Variants in RYR2 observed in about 807,000 individuals in gnomAD.
RYR2 encodes ryanodine receptor 2.
RYR2 carries 227 observed loss-of-function variants against 601.1 expected under a neutral mutation model. The ratio of observed to expected loss-of-function variants is 0.38; its 90% CI spans 0.34 to 0.42. The LOEUF is 0.42. Among genes scored for constraint, RYR2 ranks in the 10% least tolerant of loss-of-function variants. RYR2 has a pLI of 1.00. For synonymous variants in RYR2, 2,223 were observed against 2,175.1 expected, an observed-to-expected ratio of 1.02 and a Z score of -0.61; for missense variants, 4,646 against 6,156.5, an observed-to-expected ratio of 0.75 and a Z score of 8.21.
chr1:237,537,471 G>A (rs1668768489), intron 25 of RYR2, among the ~76,000 whole-genome samples: 2 of 152,004 alleles, frequency 1.3e-5, no homozygotes, highest in Admixed American at 1.3e-4. Flanking sequence ...CCGCCACCAC[G>A]CCCAGCTAAT....
chr1:237,786,101 CTCTG>C lies in RYR2; in HGVS notation c.13328+69_13328+72del. The C allele has an allele frequency of 6.8e-6, 7 of 1,028,990 alleles. No individual in the cohort carries two copies. The South Asian group carries it at 1.0e-4, about 15-fold the overall frequency. 63.7% of individuals were successfully genotyped at this position (1,028,990 alleles called of 1,614,324 possible). ...TGTCATTACATCTCTTTTTCTTGTACTCTGTCTTTGGGAGCTGCAAGGGAGAATC... is the reference window on the plus strand; with the variant it reads ...TGTCATTACATCTCTTTTTCTTGTACTCTTTGGGAGCTGCAAGGGAGAATC... On this transcript the variant is annotated intron_variant, in intron 91 of 104. Coordinates refer to ENST00000366574, the MANE Select transcript of RYR2 (RefSeq NM_001035.3).
At chr1:237,248,563 A>G (rs1028459623) in intron 1 of RYR2, among the ~76,000 whole-genome samples, 14 of 151,982 alleles carry the variant, frequency 9.2e-5, no homozygotes, top group African/African-American at 3.4e-4. Context: ...TTTCCTTCTT[A>G]GAAGAGGATG....
chr1:237,332,367 A>G (rs1696832556), intron 3 of RYR2, among the ~76,000 whole-genome samples: 1 of 152,186 alleles, frequency 6.6e-6, no homozygotes, highest in Non-Finnish European at 1.5e-5. Context: ...CTTATTTTAC[A>G]AAAGCTTAGT....
At chr1:237,573,580 T>G (rs943141997) in intron 29 of RYR2, among the ~76,000 whole-genome samples, 4 of 149,178 alleles carry the variant, frequency 2.7e-5, no homozygotes, top group Non-Finnish European at 6.0e-5. Context: ...CTTCCAGAAC[T>G]AGATGGCGGA....
chr1:237,108,681 G>A (rs1669054506), intron 1 of RYR2, among the ~76,000 whole-genome samples: 1 of 152,196 alleles, frequency 6.6e-6, no homozygotes, highest in Non-Finnish European at 1.5e-5. Flanking sequence ...CAGGGTGGAG[G>A]AGAGTCCCTC....
In RYR2 at chr1:237,503,278, A is replaced by T. The variant is rs773886062; in HGVS notation, c.2397-11A>T. ...AGAGATAAAATTGACTCTAACGTGC[A>T]TCCTCTTTAGAGTACGCTTTCTGCT... On this transcript the variant is annotated splice_polypyrimidine_tract_variant and intron_variant, in intron 21 of 104. Transcript: ENST00000366574. 6.3e-7 allele frequency: 1 copy of T among 1,591,234 alleles called. No homozygotes were observed. The highest frequency in any genetic ancestry group is 2.3e-5 in the East Asian group (1 of 44,078).
chr1:237,793,618 TTATC>T (rs1558428570), intron 94 of RYR2, among the ~76,000 whole-genome samples: 2 of 152,356 alleles, frequency 1.3e-5, no homozygotes, highest in Non-Finnish European at 2.9e-5. Flanking sequence ...ACTAGTGTAA[TTATC>T]TATAAGACCC....
rs77179245 is a variant in RYR2 at position 237,322,625 on chromosome 1, C to T, written c.169-8253C>T. ...TCATCAGAAATGTTCACTGAAGGCT[C>T]TATCAAGTGTGTTCAATCTGTGGTC... On this transcript the variant is annotated intron_variant, in intron 2 of 104. Transcript: ENST00000366574. Among the ~76,000 whole-genome samples, 677 of 152,260 alleles carry T rather than the reference C, an allele frequency of 4.4e-3. 2 individuals carry two copies. Among genetic ancestry groups the T allele is most frequent in the Middle Eastern group, 0.027 (8 of 294 alleles).
intron 22 of RYR2, among the ~76,000 whole-genome samples, chr1:237,506,202 A>G (rs1250054204): frequency 2.0e-5 from 3 of 150,166 alleles, no homozygotes; most frequent in East Asian, 3.9e-4. Flanking sequence ...TGATTTGGAA[A>G]CCTAAGTTGT....
chr1:237,171,061 C>T (rs201115443), intron 1 of RYR2, among the ~76,000 whole-genome samples: 3 of 151,740 alleles, frequency 2.0e-5, no homozygotes, highest in Admixed American at 6.6e-5. Context: ...AGTGAAACCC[C>T]GTCTCTACTA....
chr1:237,130,700 TAAAAAA>T (rs5781935), intron 1 of RYR2, among the ~76,000 whole-genome samples: 1 of 147,848 alleles, frequency 6.8e-6, no homozygotes, highest in African/African-American at 2.5e-5. Context: ...TGTCTCAAAA[TAAAAAA>T]AAAAAAGTCA....
At chr1:237,628,907 C>T (rs973696004) in intron 41 of RYR2, among the ~76,000 whole-genome samples, 8 of 151,900 alleles carry the variant, frequency 5.3e-5, no homozygotes, top group African/African-American at 1.9e-4. Flanking sequence ...GTAGGGGGAA[C>T]AAATTTTCTG....
chr1:237,150,132 C>T (rs566832021), intron 1 of RYR2, among the ~76,000 whole-genome samples: 15 of 151,560 alleles, frequency 9.9e-5, no homozygotes, highest in African/African-American at 3.7e-4. Context: ...TCCTTTGTTC[C>T]TTTCCTTTCC....
intron 1 of RYR2, among the ~76,000 whole-genome samples, chr1:237,050,825 G>T (rs1426938562): frequency 6.6e-6 from 1 of 152,230 alleles, no homozygotes; most frequent in Non-Finnish European, 1.5e-5. Context: ...ATAGCCACTA[G>T]AAGTTGTATT....
chr1:237,332,567 T>A (rs1394965344), intron 3 of RYR2, among the ~76,000 whole-genome samples: 1 of 152,194 alleles, frequency 6.6e-6, no homozygotes, highest in African/African-American at 2.4e-5. Context: ...TTTTTAAACA[T>A]CCCTGAGTCA....
At chr1:237,376,952 T>G (rs1701085929) in intron 7 of RYR2, among the ~76,000 whole-genome samples, 1 of 152,108 alleles carries the variant, frequency 6.6e-6, no homozygotes, top group Non-Finnish European at 1.5e-5. Flanking sequence ...TTATGAAAAT[T>G]GACAAAAAAC....
rs147424285 is a variant in RYR2 at position 237,308,798 on chromosome 1, C to T, written c.169-22080C>T. On this transcript the variant is annotated intron_variant, in intron 2 of 104. Coordinates refer to ENST00000366574, the MANE Select transcript of RYR2 (RefSeq NM_001035.3). ...GTGGAAAGGGACCTGAGCAGGTTGCCTCTGCTGGCTTGGGCAGCCTGCTTT... is the reference window on the plus strand; with the variant it reads ...GTGGAAAGGGACCTGAGCAGGTTGCTTCTGCTGGCTTGGGCAGCCTGCTTT... Among the ~76,000 whole-genome samples the T allele has an allele frequency of 5.4e-3, 820 of 152,324 alleles. 6 individuals carry two copies. Among genetic ancestry groups the T allele is most frequent in the Middle Eastern group, 0.027 (8 of 294 alleles).
chr1:237,357,566 T>C lies in RYR2; in HGVS notation c.294+1581T>C, dbSNP rs4659785. Reference sequence around the variant, plus strand: ...CCCTTCAGTTCCTCTGTGGATTTGGTTACTTTTGATCTGCCTGTGTAATTT... The same window carrying C: ...CCCTTCAGTTCCTCTGTGGATTTGGCTACTTTTGATCTGCCTGTGTAATTT... On this transcript the variant is annotated intron_variant, in intron 4 of 104. Coordinates refer to ENST00000366574, the MANE Select transcript of RYR2 (RefSeq NM_001035.3). Among the ~76,000 whole-genome samples the C allele has an allele frequency of 3.3e-5, 5 of 152,308 alleles. No individual in the cohort carries two copies. The East Asian group carries it at 9.6e-4, about 29-fold the overall frequency.
chr1:237,409,568 T>A (rs1396017229), intron 10 of RYR2, among the ~76,000 whole-genome samples: 1 of 152,162 alleles, frequency 6.6e-6, no homozygotes, highest in Non-Finnish European at 1.5e-5. Context: ...TAAAAAACAG[T>A]GATTTCTAGA....
Sources: allele counts gnomAD v4.1 joint callset (sites outside exome capture counted in the v4.1 genomes callset), GRCh38; gene constraint gnomAD v4.1.1; transcripts MANE v1.5; gene names NCBI Gene and HGNC (gene_info 2026-07-23, HGNC 2026-07-21).